Variants in DNAH5 observed in about 807,000 individuals in gnomAD.
DNAH5 encodes the protein axonemal beta dynein heavy chain 5.
In DNAH5, 372 loss-of-function variants were observed where a neutral mutation model predicts 518.2. That is an observed-to-expected ratio of 0.72 (90% CI 0.66 to 0.78). The LOEUF (loss-of-function observed/expected upper bound fraction) is 0.78. Ranked by LOEUF, DNAH5 falls within the 30% of genes least tolerant of loss-of-function variation. DNAH5 has a pLI of 0.00. For missense variants in DNAH5, 5,523 were observed against 5,687.0 expected (o/e 0.97, Z 0.93); for synonymous variants, 2,039 against 2,025.9 (o/e 1.01, Z -0.17).
At position 13,844,941 on chromosome 5, in the gene DNAH5, G is replaced by T; in HGVS notation, c.5167C>A (p.Pro1723Thr). The T allele has an allele frequency of 6.2e-7, 1 of 1,614,122 alleles. No individual in the cohort carries two copies. Among genetic ancestry groups the T allele is most frequent in the Non-Finnish European group, 8.5e-7 (1 of 1,179,992 alleles). Reference protein sequence around the residue: ...CFPRFFFVSDPALLEILGQAS... With the variant: ...CFPRFFFVSDTALLEILGQAS... ...TGCCCCAGAATCTCTAGAAGGGCAG[G>T]ATCTGAGACGAAGAAAAACCGAGGA... Residue 1723 changes from proline (P) to threonine (T), a missense_variant, in exon 32 of 79, where the codon CCT becomes ACT. Physicochemically the swap from Pro to Thr is conservative, Grantham distance 38 (BLOSUM62 -1). This residue lies in a region of DNAH5 where 5,121 missense variants were observed against 5,223.3 expected (regional missense o/e 0.98). Transcript: ENST00000265104.
rs1468197924 is a variant in DNAH5 at position 13,766,132 on chromosome 5, G to A, written c.9945C>T (p.Pro3315=). The A allele has an allele frequency of 5.0e-6, 8 of 1,614,096 alleles. No homozygotes were observed. The highest frequency in any genetic ancestry group is 6.8e-6 in the Non-Finnish European group (8 of 1,180,016). ...CCATGATCCGCATGATGAGGTGAGG[G>A]GGGCGGCCCAACGTGCGAACAGTGG... ...DIATVRTLGR[P]PHLIMRIMDC... The change falls in exon 59 of 79, where the codon CCC becomes CCT. Residue 3315 remains proline (P), a synonymous_variant. Transcript: ENST00000265104.
At chr5:13,944,994 CATTGTGACTA>C (rs1283748940), upstream of DNAH5, among the ~76,000 whole-genome samples, 7 of 152,250 alleles carry the variant, frequency 4.6e-5, no homozygotes, top group East Asian at 5.8e-4. Flanking sequence ...GCACTGCCAG[CATTGTGACTA>C]ATTGTGACTA....
chr5:13,827,076 C>A (rs1305919999), intron 38 of DNAH5, among the ~76,000 whole-genome samples: 2 of 152,140 alleles, frequency 1.3e-5, no homozygotes, highest in South Asian at 2.1e-4. Context: ...AGACTGGCAG[C>A]ATTTTGCCCC....
At chr5:13,724,983 A>C (rs890757666) in intron 70 of DNAH5, among the ~76,000 whole-genome samples, 1 of 152,182 alleles carries the variant, frequency 6.6e-6, no homozygotes, top group Admixed American at 6.5e-5. Flanking sequence ...ACAAACTAAC[A>C]AACCATGTTA....
intron 43 of DNAH5, among the ~76,000 whole-genome samples, chr5:13,814,330 C>G (rs960824130): frequency 4.6e-5 from 7 of 152,194 alleles, no homozygotes; most frequent in African/African-American, 1.4e-4. Context: ...TCCTCAGACA[C>G]AGTTTGGCAA....
intron 29 of DNAH5, 103 bp from the exon 30 acceptor site, chr5:13,859,708 C>A: frequency 1.8e-6 from 2 of 1,097,592 alleles, no homozygotes; most frequent in Non-Finnish European, 2.8e-6. Context: ...GCTTTCTTTA[C>A]AACCTTAATT....
chr5:13,915,985 G>A (rs1021651960), intron 9 of DNAH5, among the ~76,000 whole-genome samples: 1 of 152,042 alleles, frequency 6.6e-6, no homozygotes, highest in Admixed American at 6.6e-5. Context: ...AGTGGCATAT[G>A]AAATATGAAA....
chr5:13,720,234 A>T (rs1179573281), intron 71 of DNAH5, among the ~76,000 whole-genome samples: 1 of 152,236 alleles, frequency 6.6e-6, no homozygotes, highest in Non-Finnish European at 1.5e-5. Flanking sequence ...CTGCTGAATA[A>T]GTTATCTAAA....
At chr5:13,812,819 A>G (rs375402422) in intron 43 of DNAH5, among the ~76,000 whole-genome samples, 1 of 152,216 alleles carries the variant, frequency 6.6e-6, no homozygotes, top group Admixed American at 6.5e-5. Flanking sequence ...AAGTTCTCTT[A>G]AGGTCAAGAG....
At chr5:13,798,558 T>C (rs1465472933) in intron 47 of DNAH5, among the ~76,000 whole-genome samples, 1 of 152,058 alleles carries the variant, frequency 6.6e-6, no homozygotes, top group Non-Finnish European at 1.5e-5. Flanking sequence ...TCTCCTTCTC[T>C]TATCCAAAAG....
chr5:13,759,626 C>T (rs114497105), intron 60 of DNAH5, among the ~76,000 whole-genome samples: 2,167 of 152,152 alleles, frequency 0.014, 22 homozygotes, highest in South Asian at 0.057. Context: ...GTATTTGATA[C>T]CTTGAGCTGT....
chr5:13,955,774 C>T (rs1019091696), intron 1 of DNAH5, among the ~76,000 whole-genome samples: 2 of 152,176 alleles, frequency 1.3e-5, no homozygotes, highest in East Asian at 1.9e-4. Context: ...GTTTGTCCTA[C>T]GGAAGGTTTT....
Position 13,707,980 on chromosome 5 carries a change from TA to T in DNAH5, c.13338+142del. On this transcript the variant is annotated intron_variant, in intron 76 of 78. Transcript: ENST00000265104. The surrounding 1 kb of genome is among the most constrained non-coding windows in gnomAD (Gnocchi z 4.0). ...AAAACTTCCTTCCCTACCTATGGTC[TA>T]AAAATACAGGGCTACAGGGGGCTTC... 2.0e-6 allele frequency: 2 copies of T among 1,002,782 alleles called. No homozygotes were observed. The highest frequency in any genetic ancestry group is 1.6e-6 in the Non-Finnish European group (1 of 645,122). 62.1% of individuals were successfully genotyped at this position (1,002,782 alleles called of 1,614,324 possible).
At chr5:13,721,411 C>T (rs1432403843) in intron 70 of DNAH5, among the ~76,000 whole-genome samples, 166 bp from the exon 71 acceptor site, 1 of 152,116 alleles carries the variant, frequency 6.6e-6, no homozygotes, top group Non-Finnish European at 1.5e-5. Context: ...TTGTTTATAT[C>T]TCCATTCTAT....
chr5:13,921,155 C>T (rs1438704922), intron 5 of DNAH5, among the ~76,000 whole-genome samples: 1 of 151,976 alleles, frequency 6.6e-6, no homozygotes, highest in Non-Finnish European at 1.5e-5. Context: ...ATTTGGTCTG[C>T]CCTCCATCAC....
At position 13,754,186 on chromosome 5, in the gene DNAH5, T is replaced by C; in HGVS notation, c.10555+17A>G. On this transcript the variant is annotated intron_variant, in intron 62 of 78. Transcript: ENST00000265104. ...CACAGTCAACACACAATCTCATTAA[T>C]AAAGAAATTTACATACCTACAAGTC... is the stretch of plus-strand genomic sequence containing the variant. 1 of 1,614,012 alleles carries C rather than the reference T, an allele frequency of 6.2e-7. No homozygotes were observed. The highest frequency in any genetic ancestry group is 1.7e-5 in the Admixed American group (1 of 60,020).
At chr5:13,697,322 A>C (rs1741519317) in intron 78 of DNAH5, among the ~76,000 whole-genome samples, 1 of 152,204 alleles carries the variant, frequency 6.6e-6, no homozygotes, top group Non-Finnish European at 1.5e-5. Flanking sequence ...AGGTAGACAC[A>C]TTTATCATTT....
At chr5:13,893,125 T>C (rs1044531307) in intron 16 of DNAH5, among the ~76,000 whole-genome samples, 2 of 152,200 alleles carry the variant, frequency 1.3e-5, no homozygotes. Flanking sequence ...CCTAAGTTTT[T>C]TGGAAAGTGC....
Position 13,864,558 on chromosome 5 carries a change from A to C in DNAH5, c.4435T>G (p.Cys1479Gly). 6.2e-7 allele frequency: 1 copy of C among 1,614,048 alleles called. No homozygotes were observed. The highest frequency in any genetic ancestry group is 8.5e-7 in the Non-Finnish European group (1 of 1,180,006). The change falls in exon 28 of 79, where the codon TGT becomes GGT. Residue 1479 changes from cysteine (C) to glycine (G), a missense_variant. By Grantham distance (159) the Cys-to-Gly change is radical. This residue lies in a region of DNAH5 where 5,121 missense variants were observed against 5,223.3 expected (regional missense o/e 0.98). Coordinates refer to ENST00000265104, the MANE Select transcript of DNAH5 (RefSeq NM_001369.3). ...GCCATGTATTCCAGCAGCGGGCAAC[A>C]CTCGCTGAAATCATCAATGATCTTC... ...LKKIIDDFSECCPLLEYMASK... is the reference protein window; with the variant it reads ...LKKIIDDFSEGCPLLEYMASK...
Sources: allele counts gnomAD v4.1 joint callset (sites outside exome capture counted in the v4.1 genomes callset), GRCh38; gene constraint gnomAD v4.1.1; regional missense constraint gnomAD v4.1.1; non-coding constraint Gnocchi (gnomAD v3.1); transcripts MANE v1.5; gene names NCBI Gene and HGNC (gene_info 2026-07-23, HGNC 2026-07-21).